Variants in LRRTM4 observed in about 807,000 individuals in gnomAD.
LRRTM4 encodes leucine-rich repeat transmembrane neuronal protein 4.
A neutral mutation model predicts 47.6 loss-of-function variants in LRRTM4; 25 were observed. The ratio of observed to expected loss-of-function variants is 0.53; its 90% CI spans 0.38 to 0.73. The LOEUF (loss-of-function observed/expected upper bound fraction) is 0.73. Among genes scored for constraint, LRRTM4 ranks in the 30% least tolerant of loss-of-function variants. LRRTM4 has a pLI of 0.00. For missense variants in LRRTM4, 638 were observed against 713.4 expected (o/e 0.89, Z 1.20); for synonymous variants, 311 against 269.5 (o/e 1.15, Z -1.51).
chr2:77,199,494 TTC>T (rs1245627867), intron 3 of LRRTM4, among the ~76,000 whole-genome samples: 2 of 152,276 alleles, frequency 1.3e-5, no homozygotes, highest in African/African-American at 4.8e-5. Flanking sequence ...TTTGTCATTT[TTC>T]TCTGTTTTGT....
intron 3 of LRRTM4, among the ~76,000 whole-genome samples, chr2:77,413,864 AC>A (rs1558732214): frequency 5.9e-5 from 9 of 151,966 alleles, no homozygotes; most frequent in Non-Finnish European, 1.2e-4. Context: ...ACACACACAC[AC>A]ACAAAACCCC....
intron 3 of LRRTM4, among the ~76,000 whole-genome samples, chr2:77,385,873 G>A (rs1047007499): frequency 3.4e-5 from 5 of 148,398 alleles, no homozygotes; most frequent in East Asian, 2.0e-4. Context: ...CCAGCCTCCC[G>A]ACTAGCTGGG....
At chr2:77,246,631 C>T (rs996227576) in intron 3 of LRRTM4, among the ~76,000 whole-genome samples, 1 of 152,052 alleles carries the variant, frequency 6.6e-6, no homozygotes, top group African/African-American at 2.4e-5. Context: ...CTTCTTTAGA[C>T]ATTATCCTCT....
At chr2:77,446,668 C>T (rs1676066360) in intron 3 of LRRTM4, among the ~76,000 whole-genome samples, 1 of 151,902 alleles carries the variant, frequency 6.6e-6, no homozygotes, top group Non-Finnish European at 1.5e-5. Flanking sequence ...TTGATGTAAA[C>T]AAGAGTCAGA....
At chr2:77,294,640 A>T (rs1441941242) in intron 3 of LRRTM4, among the ~76,000 whole-genome samples, 4 of 152,154 alleles carry the variant, frequency 2.6e-5, no homozygotes, top group African/African-American at 4.8e-5. Flanking sequence ...CCTACTTGTA[A>T]TAAGACTCAA....
At chr2:77,428,377 T>C (rs1395471150) in intron 3 of LRRTM4, among the ~76,000 whole-genome samples, 4 of 152,206 alleles carry the variant, frequency 2.6e-5, no homozygotes, top group African/African-American at 7.2e-5. Context: ...GACATTAGGA[T>C]ACATATGGCA....
At chr2:76,807,469 T>TATATATAC (rs1361757832) in intron 3 of LRRTM4, among the ~76,000 whole-genome samples, 1 of 69,920 alleles carries the variant, frequency 1.4e-5, no homozygotes, top group African/African-American at 8.0e-5. Context: ...CATATATATA[T>TATATATAC]ACATATATAT....
intron 3 of LRRTM4, among the ~76,000 whole-genome samples, chr2:76,786,614 G>A (rs910412788): frequency 6.6e-6 from 1 of 152,090 alleles, no homozygotes; most frequent in African/African-American, 2.4e-5. Flanking sequence ...AAAGCTAAGA[G>A]CAGAGAGGTA....
At chr2:76,881,860 T>C (rs1672940001) in intron 3 of LRRTM4, among the ~76,000 whole-genome samples, 2 of 152,176 alleles carry the variant, frequency 1.3e-5, no homozygotes, top group South Asian at 4.1e-4. Context: ...ACACTGAACT[T>C]TTTATGGAAT....
chr2:76,886,261 A>T (rs915141760), intron 3 of LRRTM4, among the ~76,000 whole-genome samples: 1 of 152,206 alleles, frequency 6.6e-6, no homozygotes, highest in Non-Finnish European at 1.5e-5. Context: ...AGCAATAGTC[A>T]TTGATCATTT....
intron 3 of LRRTM4, among the ~76,000 whole-genome samples, chr2:77,033,658 A>G (rs141411680): frequency 6.6e-6 from 1 of 152,102 alleles, no homozygotes; most frequent in East Asian, 1.9e-4. Context: ...GAAGGGTGAT[A>G]ATAATCTATG....
intron 3 of LRRTM4, among the ~76,000 whole-genome samples, chr2:77,174,470 A>G (rs1434404560): frequency 1.3e-5 from 2 of 152,176 alleles, no homozygotes; most frequent in African/African-American, 4.8e-5. Context: ...CTTTGAGTGT[A>G]GCAGGGGCCT....
chr2:77,259,784 C>A (rs1462601615), intron 3 of LRRTM4, among the ~76,000 whole-genome samples: 1 of 151,854 alleles, frequency 6.6e-6, no homozygotes, highest in African/African-American at 2.4e-5. Flanking sequence ...TATGCAAGGC[C>A]AAGAGAAAAT....
intron 3 of LRRTM4, among the ~76,000 whole-genome samples, chr2:77,499,456 T>C (rs1250472664): frequency 2.0e-5 from 3 of 151,852 alleles, no homozygotes; most frequent in Non-Finnish European, 4.4e-5. Context: ...GTGTTAATCT[T>C]GTCTCTGAGA....
intron 3 of LRRTM4, chr2:76,986,095 T>C (rs1676784671): frequency 1.3e-5 from 2 of 149,570 alleles, no homozygotes; most frequent in African/African-American, 5.1e-5. Context: ...AGTTAGATTT[T>C]AAATAATGTT....
intron 3 of LRRTM4, among the ~76,000 whole-genome samples, chr2:77,426,429 C>G (rs959465141): frequency 2.6e-5 from 4 of 152,172 alleles, no homozygotes; most frequent in Non-Finnish European, 5.9e-5. Flanking sequence ...AAAACACTTA[C>G]AGGCTTTCCT....
At chr2:76,944,618 T>C (rs1240445702) in intron 3 of LRRTM4, among the ~76,000 whole-genome samples, 2 of 152,004 alleles carry the variant, frequency 1.3e-5, no homozygotes, top group East Asian at 3.9e-4. Context: ...AGAGAGAAAT[T>C]ACTGGGGAGG....
intron 3 of LRRTM4, among the ~76,000 whole-genome samples, chr2:77,473,850 G>T (rs1677280167): frequency 1.3e-5 from 2 of 152,078 alleles, no homozygotes; most frequent in Non-Finnish European, 2.9e-5. Flanking sequence ...ATTTTCTTTG[G>T]CAGGTGGAAT....
At chr2:77,286,889 G>A (rs1005414973) in intron 3 of LRRTM4, among the ~76,000 whole-genome samples, 2 of 151,966 alleles carry the variant, frequency 1.3e-5, no homozygotes, top group African/African-American at 2.4e-5. Context: ...TTTACATAAA[G>A]AAAATACTTC....
Sources: allele counts gnomAD v4.1 joint callset (sites outside exome capture counted in the v4.1 genomes callset), GRCh38; gene constraint gnomAD v4.1.1; transcripts MANE v1.5; gene names NCBI Gene and HGNC (gene_info 2026-07-23, HGNC 2026-07-21).